The following L3MBTL3 variants were observed in gnomAD, a reference collection of about 807,000 sequenced individuals.
L3MBTL3 encodes the protein L3MBTL histone methyl-lysine binding protein 3, also known as lethal(3)malignant brain tumor-like protein 3.
In L3MBTL3, 27 loss-of-function variants were observed where a neutral mutation model predicts 102.3. The observed-to-expected ratio is 0.26, with a 90% CI of 0.19 to 0.36. The LOEUF (loss-of-function observed/expected upper bound fraction) is 0.36, where lower values mean the gene tolerates loss of function less well. Ranked by LOEUF, L3MBTL3 falls within the 10% of genes least tolerant of loss-of-function variation. The pLI is 1.00. For synonymous variants in L3MBTL3, 340 were observed against 320.9 expected (o/e 1.06, Z -0.64); for missense variants, 798 against 955.3 (o/e 0.84, Z 2.17).
rs551996257 is a variant in L3MBTL3, at chr6:130,050,287, T to C, written c.289+457T>C. ...GGTGCCTGCACCTACCTGCTCGCCTTGTCTCCTCAGTCTCTGTTTCCTTCT... is the reference window on the plus strand; with the variant it reads ...GGTGCCTGCACCTACCTGCTCGCCTCGTCTCCTCAGTCTCTGTTTCCTTCT... On this transcript the variant is annotated intron_variant, in intron 5 of 22. Coordinates refer to ENST00000361794, the MANE Select transcript of L3MBTL3 (RefSeq NM_032438.4). Among the ~76,000 whole-genome samples, 15 of 152,368 alleles carry C rather than the reference T, an allele frequency of 9.8e-5. No homozygotes were observed. The East Asian group carries it at 2.9e-3, about 29-fold the overall frequency.
chr6:130,104,813 T>A (rs899909821), intron 19 of L3MBTL3, among the ~76,000 whole-genome samples: 5 of 152,084 alleles, frequency 3.3e-5, no homozygotes, highest in African/African-American at 4.8e-5. Flanking sequence ...TTTTTTTTTT[T>A]AATTTGCTTG....
At chr6:130,109,068 G>A (rs1785183699) in intron 19 of L3MBTL3, among the ~76,000 whole-genome samples, 1 of 152,130 alleles carries the variant, frequency 6.6e-6, no homozygotes. Flanking sequence ...AGCATTTCAT[G>A]GTGTATGTGT....
chr6:130,030,124 G>A (rs916801031), intron 2 of L3MBTL3, among the ~76,000 whole-genome samples: 13 of 152,080 alleles, frequency 8.5e-5, no homozygotes, highest in African/African-American at 2.9e-4. Flanking sequence ...CTCCCAAAGT[G>A]CTAGGATTAC....
intron 3 of L3MBTL3, among the ~76,000 whole-genome samples, chr6:130,045,833 G>A (rs1780692241): frequency 6.6e-6 from 1 of 152,202 alleles, no homozygotes; most frequent in South Asian, 2.1e-4. Context: ...GCTTCCAGAA[G>A]AGGGAGTAGC....
At chr6:130,104,914 AAC>A (rs1784897302) in intron 19 of L3MBTL3, among the ~76,000 whole-genome samples, 1 of 152,230 alleles carries the variant, frequency 6.6e-6, no homozygotes, top group African/African-American at 2.4e-5. Flanking sequence ...ACATAGAGTC[AAC>A]CTTTATCAGT....
In L3MBTL3 at chr6:130,051,366, G is replaced by A. The variant is rs1414892305; in HGVS notation, c.407G>A (p.Gly136Glu). The A allele has an allele frequency of 6.2e-7, 1 of 1,614,094 alleles. No homozygotes were observed. Among genetic ancestry groups the A allele is most frequent in the South Asian group, 1.1e-5 (1 of 91,088 alleles). ...YGNVDECLSG[G>E]NYCSQNCARH... is the part of the protein sequence containing the mutation. ...AACGTAGATGAGTGTCTTTCTGGAGGAAACTATTGCAGCCAGAATTGTGCT... is the reference window on the plus strand; with the variant it reads ...AACGTAGATGAGTGTCTTTCTGGAGAAAACTATTGCAGCCAGAATTGTGCT... The change falls in exon 6 of 23, where the codon GGA (glycine) becomes GAA (glutamate). Residue 136 changes from glycine to glutamate, a missense_variant. Gly to Glu is a moderately conservative substitution (Grantham distance 98). This residue lies in a region of L3MBTL3 where 434 missense variants were observed against 506.6 expected (regional missense o/e 0.86). Coordinates refer to ENST00000361794, the MANE Select transcript of L3MBTL3 (RefSeq NM_032438.4).
chr6:130,131,716 A>G (rs1428269158), intron 20 of L3MBTL3, among the ~76,000 whole-genome samples: 1 of 152,108 alleles, frequency 6.6e-6, no homozygotes, highest in Non-Finnish European at 1.5e-5. Context: ...CAGGGGGTGG[A>G]TTATTTGTGC....
rs1785952209 is a variant in L3MBTL3 at position 130,119,217 on chromosome 6, G to A, written c.1887-1662G>A. ...AGCTTCTAGAAAAGCCACAATAATT[G>A]GAAATTTGCTTTATTTGGGAAATGC... is the stretch of plus-strand genomic sequence containing the variant. On this transcript the variant is annotated intron_variant, in intron 19 of 22. Coordinates refer to ENST00000361794, the MANE Select transcript of L3MBTL3 (RefSeq NM_032438.4). 1.3e-5 allele frequency among the ~76,000 whole-genome samples: 2 copies of A among 151,876 alleles called. 1 individual carries two copies. Among genetic ancestry groups the A allele is most frequent in the South Asian group, 4.1e-4 (2 of 4,828 alleles).
chr6:130,057,121 T>C (rs1183292724), intron 8 of L3MBTL3, among the ~76,000 whole-genome samples: 1 of 152,246 alleles, frequency 6.6e-6, no homozygotes, highest in Admixed American at 6.5e-5. Flanking sequence ...TCTCCCTTCC[T>C]GTAGCTTCTG....
rs1748644315 is a variant in L3MBTL3, at chr6:130,049,347, A to G, written c.168A>G (p.Lys56=). The part of the protein sequence containing the change: ...ITDENEMENV[K]KATATTTWMV... ...ATGAGAATGAGATGGAAAATGTTAAAAAAGCAACTGCTACCACCACTTGGA... is the reference window on the plus strand; with the variant it reads ...ATGAGAATGAGATGGAAAATGTTAAGAAAGCAACTGCTACCACCACTTGGA... The change falls in exon 4 of 23, where the codon AAA becomes AAG. Residue 56 remains lysine (K), a synonymous_variant. Coordinates refer to ENST00000361794, the MANE Select transcript of L3MBTL3 (RefSeq NM_032438.4). The G allele has an allele frequency of 6.2e-7, 1 of 1,613,572 alleles. No homozygotes were observed. The highest frequency in any genetic ancestry group is 1.3e-5 in the African/African-American group (1 of 74,916).
At chr6:130,105,241 C>G (rs1436981883) in intron 19 of L3MBTL3, among the ~76,000 whole-genome samples, 5 of 152,116 alleles carry the variant, frequency 3.3e-5, no homozygotes, top group Non-Finnish European at 7.4e-5. Context: ...TACTTTAAAA[C>G]CTAAGGCTAC....
At chr6:130,053,496 G>T (rs923714871) in intron 7 of L3MBTL3, among the ~76,000 whole-genome samples, 2 of 152,002 alleles carry the variant, frequency 1.3e-5, no homozygotes, top group Non-Finnish European at 2.9e-5. Context: ...TTAGGTAGGC[G>T]TGGTGGCAGG....
At chr6:130,056,488 C>T (rs372714952) in intron 8 of L3MBTL3, among the ~76,000 whole-genome samples, 5 of 152,156 alleles carry the variant, frequency 3.3e-5, no homozygotes, top group African/African-American at 7.2e-5. Context: ...TCCTCAGTGC[C>T]GGGGTGCATT....
chr6:130,019,386 C>T (rs1778785010), intron 1 of L3MBTL3: 1 of 149,632 alleles, frequency 6.7e-6, no homozygotes, highest in South Asian at 2.1e-4. Context: ...CCCCTGCGGC[C>T]CCCTCCGCCC....
chr6:130,125,949 C>A (rs988684182), intron 20 of L3MBTL3, among the ~76,000 whole-genome samples: 2 of 151,516 alleles, frequency 1.3e-5, no homozygotes, highest in Admixed American at 1.3e-4. Flanking sequence ...CCCTCCCCCC[C>A]ACCCATTTCT....
At chr6:130,111,239 G>A (rs1477451322) in intron 19 of L3MBTL3, among the ~76,000 whole-genome samples, 2 of 152,198 alleles carry the variant, frequency 1.3e-5, no homozygotes, top group African/African-American at 4.8e-5. Context: ...TGGACAGCAG[G>A]AACACAGACC....
At chr6:130,064,574 A>T (rs1329318068) in intron 10 of L3MBTL3, among the ~76,000 whole-genome samples, 5 of 152,102 alleles carry the variant, frequency 3.3e-5, no homozygotes, top group African/African-American at 4.8e-5. Context: ...GGTGGTTAGC[A>T]TGGGGGAAGA....
intron 18 of L3MBTL3, among the ~76,000 whole-genome samples, chr6:130,098,067 C>CA (rs1009155711): frequency 2.1e-4 from 30 of 142,188 alleles, no homozygotes; most frequent in Non-Finnish European, 2.5e-4. Flanking sequence ...AACTCCATCT[C>CA]AAAAAAAAAA....
At chr6:130,083,510 TATGA>T in intron 14 of L3MBTL3, 106 bp from the exon 15 acceptor site, 1 of 548,960 alleles carries the variant, frequency 1.8e-6, no homozygotes, top group South Asian at 2.4e-5. Context: ...GTCATGTATA[TATGA>T]ACATAATTTT....
Sources: allele counts gnomAD v4.1 joint callset (sites outside exome capture counted in the v4.1 genomes callset), GRCh38; gene constraint gnomAD v4.1.1; regional missense constraint gnomAD v4.1.1; transcripts MANE v1.5; gene names NCBI Gene and HGNC (gene_info 2026-07-23, HGNC 2026-07-21).